Variants in TTN observed in about 807,000 individuals in gnomAD.
TTN encodes the protein connectin.
TTN carries 1,525 observed loss-of-function variants against 3,223.0 expected under a neutral mutation model. That is an observed-to-expected ratio of 0.47 (90% CI 0.45 to 0.49). The LOEUF (loss-of-function observed/expected upper bound fraction) is 0.49. Among genes scored for constraint, TTN ranks in the 20% least tolerant of loss-of-function variants. The probability of loss-of-function intolerance (pLI) is 0.00; values close to 1 mark genes in which losing one functional copy is unlikely to be tolerated. For synonymous variants in TTN, 14,094 were observed against 15,161.0 expected (o/e 0.93, Z 5.17); for missense variants, 40,786 against 43,424.0 (o/e 0.94, Z 5.40).
At position 178,738,311 on chromosome 2, in the gene TTN, G is replaced by A. The variant is rs1574051689; in HGVS notation, c.14142C>T (p.Gly4714=). 3 of 1,613,422 alleles carry A rather than the reference G, an allele frequency of 1.9e-6. No homozygotes were observed. Among genetic ancestry groups the A allele is most frequent in the Non-Finnish European group, 2.5e-6 (3 of 1,179,652 alleles). ...TCTCACAGGTGAATTTGGCTAGGTG[G>A]CCCAGTGCTACTTCCAGGGGTTCGA... is the stretch of plus-strand genomic sequence containing the variant. ...RKIEPLEVAL[G]HLAKFTCEIQ... is the part of the protein sequence containing the mutation. Residue 4714 remains glycine, a synonymous_variant, in exon 49 of 363, where the codon GGC becomes GGT. Coordinates refer to ENST00000589042, the MANE Select transcript of TTN (RefSeq NM_001267550.2).
At chr2:178,652,024 CA>C (rs1324757355) in intron 204 of TTN, 57 bp from the exon 205 acceptor site, 3 of 1,608,862 alleles carry the variant, frequency 1.9e-6, no homozygotes, top group South Asian at 2.2e-5. Context: ...AGATAGTTTG[CA>C]AAAAAATGTT....
chr2:178,729,057 C>T lies in TTN; in HGVS notation c.18981G>A (p.Lys6327=). ...CATCTTCATCAAGAATCTGATCATCCTTTAGCCAGGTTATAGAAATAGGAG... is the reference window on the plus strand; with the variant it reads ...CATCTTCATCAAGAATCTGATCATCTTTTAGCCAGGTTATAGAAATAGGAG... ...GSPPISITWL[K]DDQILDEDDN... The change falls in exon 65 of 363, where the codon AAG becomes AAA. Residue 6327 remains lysine (K), a synonymous_variant. Coordinates refer to ENST00000589042, the MANE Select transcript of TTN (RefSeq NM_001267550.2). 6 of 1,612,682 alleles carry T rather than the reference C, an allele frequency of 3.7e-6. No individual in the cohort carries two copies. Among genetic ancestry groups the T allele is most frequent in the Non-Finnish European group, 5.1e-6 (6 of 1,179,344 alleles).
intron 292 of TTN, 72 bp from the exon 293 acceptor site, chr2:178,598,130 A>C (rs2052258462): frequency 6.7e-7 from 1 of 1,491,714 alleles, no homozygotes; most frequent in East Asian, 2.3e-5. Flanking sequence ...GGCTTCCTAA[A>C]GCATCACCAG....
chr2:178,750,181 C>T (rs747870469), intron 47 of TTN: 1 of 1,613,196 alleles, frequency 6.2e-7, no homozygotes, highest in East Asian at 2.2e-5. Flanking sequence ...CCTCTTGACT[C>T]ATAGATGGAT....
At chr2:178,665,349 C>A (rs2065737301) in intron 165 of TTN, 28 bp downstream of exon 165, 1 of 1,591,544 alleles carries the variant, frequency 6.3e-7, no homozygotes, top group Non-Finnish European at 8.6e-7. Flanking sequence ...ATAATTTCTT[C>A]TTCCACATTT....
At position 178,612,811 on chromosome 2, in the gene TTN, C is replaced by T. The variant is rs181141442; in HGVS notation, c.49910G>A (p.Ser16637Asn). The T allele has an allele frequency of 1.2e-6, 2 of 1,612,254 alleles. No homozygotes were observed. The highest frequency in any genetic ancestry group is 1.7e-5 in the Admixed American group (1 of 59,870). The change falls in exon 265 of 363, where the codon AGT becomes AAT. Residue 16637 changes from serine to asparagine, a missense_variant. Ser to Asn is a conservative substitution (Grantham distance 46). Transcript: ENST00000589042. ...GCAAAGCACAGGGTCACTGGGTTCACTGGGTTCACTTTCCCCAGCCTTATT... is the reference window on the plus strand; with the variant it reads ...GCAAAGCACAGGGTCACTGGGTTCATTGGGTTCACTTTCCCCAGCCTTATT... ...AVNKAGESEP[S>N]EPSDPVLCRE...
intron 2 of TTN, 149 bp from the exon 3 acceptor site, chr2:178,802,490 A>G: frequency 1.1e-6 from 1 of 903,982 alleles, no homozygotes; most frequent in Non-Finnish European, 1.7e-6. Flanking sequence ...CTACAGTTGC[A>G]TGATCAGTGT....
chr2:178,633,747 A>C, intron 231 of TTN, 70 bp downstream of exon 231: 1 of 1,604,742 alleles, frequency 6.2e-7, no homozygotes, highest in Non-Finnish European at 8.5e-7. Flanking sequence ...AAAAGGTTGC[A>C]AAATATTTTA....
rs544302228 is a variant in TTN, at chr2:178,730,145, T to C, written c.18255A>G (p.Gln6085=). 1.2e-6 allele frequency: 2 copies of C among 1,613,308 alleles called. No homozygotes were observed. Among genetic ancestry groups the C allele is most frequent in the African/African-American group, 2.7e-5 (2 of 74,996 alleles). ...KATDSGTYIC[Q]LSNDVGTATS... ...TTGCTGTGCCAACATCATTGCTTAG[T>C]TGGCAAATGTAGGTTCCAGAATCGG... Residue 6085 remains glutamine (Q), a synonymous_variant, in exon 62 of 363, where the codon CAA becomes CAG. Coordinates refer to ENST00000589042, the MANE Select transcript of TTN (RefSeq NM_001267550.2).
rs1686458565 is a variant in TTN, at chr2:178,526,437, A to C, written c.*575T>G. ...CTTTGCTCTGGTAATATTTGTCATG[A>C]TAATTTTGTGTGACATCATCAGAGA... On this transcript the variant is annotated 3_prime_UTR_variant, in exon 363 of 363. Transcript: ENST00000589042. The C allele has an allele frequency of 6.6e-6, 1 of 152,662 alleles. No individual in the cohort carries two copies. The highest frequency in any genetic ancestry group is 2.4e-5 in the African/African-American group (1 of 41,466). The allele number at this position is 152,662 out of a possible 1,614,324, so 9.5% of individuals were successfully genotyped here. A position where few individuals can be genotyped will look rare whatever the true frequency, so the allele number is the denominator to read the frequency against.
At chr2:178,749,468 C>A in intron 47 of TTN, 1 of 1,612,926 alleles carries the variant, frequency 6.2e-7, no homozygotes, top group Non-Finnish European at 8.5e-7. Flanking sequence ...AGTCTCAAGG[C>A]TTTGAAAATA....
At position 178,667,703 on chromosome 2, in the gene TTN, T is replaced by G. The variant is rs1238002876; in HGVS notation, c.35564A>C (p.Glu11855Ala). ...AAGTACTTTTTCTTCTAGGACTGCT[T>G]CTTCAGATGCTTCATAAACTTTAAA... is the stretch of plus-strand genomic sequence containing the variant. Reference protein sequence around the residue: ...TEMYIYEASEEAVLEEKVLVT... With the variant: ...TEMYIYEASEAAVLEEKVLVT... Residue 11855 changes from glutamate (E) to alanine (A), a missense_variant, in exon 160 of 363, where the codon GAA becomes GCA. Coordinates refer to ENST00000589042, the MANE Select transcript of TTN (RefSeq NM_001267550.2). 21 of 1,593,754 alleles carry G rather than the reference T, an allele frequency of 1.3e-5. No homozygotes were observed. The highest frequency in any genetic ancestry group is 1.8e-5 in the Non-Finnish European group (21 of 1,176,960).
rs758579992 is a variant in TTN, at chr2:178,574,213, C to A, written c.71919G>T (p.Lys23973Asn). 1 of 1,613,392 alleles carries A rather than the reference C, an allele frequency of 6.2e-7. No individual in the cohort carries two copies. The highest frequency in any genetic ancestry group is 1.1e-5 in the South Asian group (1 of 91,074). Residue 23973 changes from lysine (K) to asparagine (N), a missense_variant, in exon 326 of 363, where the codon AAG (lysine) becomes AAT (asparagine). Lys to Asn is a moderately conservative substitution (Grantham distance 94). Transcript: ENST00000589042. The part of the protein sequence containing the change: ...KRDLPNGRWL[K>N]ANFSNILENE... ...TCTCCAAAATGTTGCTGAAGTTGGC[C>A]TTCAGCCACCGTCCATTAGGAAGGT...
At position 178,720,512 on chromosome 2, in the gene TTN, G is replaced by A. The variant is rs1060503967; in HGVS notation, c.23250C>T (p.Ile7750=). The A allele has an allele frequency of 1.2e-6, 2 of 1,613,474 alleles. No homozygotes were observed. Among genetic ancestry groups the A allele is most frequent in the African/African-American group, 2.7e-5 (2 of 74,898 alleles). Residue 7750 remains isoleucine (I), a synonymous_variant, in exon 80 of 363, where the codon ATC becomes ATT. Coordinates refer to ENST00000589042, the MANE Select transcript of TTN (RefSeq NM_001267550.2). The part of the protein sequence containing the change: ...KQVRNSKKFK[I]TSKHFDTSLH... ...GACTTGTATCAAAATGTTTTGAAGTGATTTTAAATTTCTTGCTGTTTCTAA... is the reference window on the plus strand; with the variant it reads ...GACTTGTATCAAAATGTTTTGAAGTAATTTTAAATTTCTTGCTGTTTCTAA...
chr2:178,718,952 G>C lies in TTN; in HGVS notation c.24248C>G (p.Thr8083Ser). 6.2e-7 allele frequency: 1 copy of C among 1,608,292 alleles called. No individual in the cohort carries two copies. The change falls in exon 84 of 363, where the codon ACC becomes AGC. Residue 8083 changes from threonine to serine, a missense_variant. Physicochemically the swap from Thr to Ser is moderately conservative, Grantham distance 58 (BLOSUM62 1). Coordinates refer to ENST00000589042, the MANE Select transcript of TTN (RefSeq NM_001267550.2). ...TVQEPPSFEQ[T>S]PDSVEVLPGM... ...AGGCAAAACTTCCACAGAATCAGGG[G>C]TTTGTTCAAAAGATGGTGGTTCTAG...
chr2:178,568,199 T>C lies in TTN; in HGVS notation c.77933A>G (p.Glu25978Gly). The change falls in exon 326 of 363, where the codon GAG (glutamate) becomes GGG (glycine). Residue 25978 changes from glutamate to glycine, a missense_variant. Physicochemically the swap from Glu to Gly is moderately conservative, Grantham distance 98. Transcript: ENST00000589042. ...ATATTGAGCTACAATTGGATCAGAC[T>C]CTAAGGCAAAGCTTTGTCCATATCT... Reference protein sequence around the residue: ...ENRYGQSFALESDPIVAQYPY... With the variant: ...ENRYGQSFALGSDPIVAQYPY... 1 of 1,613,542 alleles carries C rather than the reference T, an allele frequency of 6.2e-7. No individual in the cohort carries two copies. Among genetic ancestry groups the C allele is most frequent in the Non-Finnish European group, 8.5e-7 (1 of 1,179,600 alleles).
chr2:178,562,162 A>G lies in TTN; in HGVS notation c.83970T>C (p.Pro27990=). The change falls in exon 326 of 363, where the codon CCT becomes CCC. Residue 27990 remains proline, a synonymous_variant. Coordinates refer to ENST00000589042, the MANE Select transcript of TTN (RefSeq NM_001267550.2). Reference sequence around the variant, plus strand: ...CTTTTCTCCAGTTCACAGTAGCTTGAGGTCTTCCTTTGAATGGCACATCAA... The same window carrying G: ...CTTTTCTCCAGTTCACAGTAGCTTGGGGTCTTCCTTTGAATGGCACATCAA... The part of the protein sequence containing the change: ...LKIDVPFKGR[P]QATVNWRKDG... The G allele has an allele frequency of 6.2e-7, 1 of 1,613,198 alleles. No homozygotes were observed.
Position 178,664,094 on chromosome 2 carries a change from G to C in TTN, c.36285C>G (p.His12095Gln), listed in dbSNP as rs201184203. Residue 12095 changes from histidine (H) to glutamine (Q), a missense_variant, in exon 169 of 363, where the codon CAC becomes CAG. Transcript: ENST00000589042. ...QRAEVVPVKVHEAPKEIIPEK... is the reference protein window; with the variant it reads ...QRAEVVPVKVQEAPKEIIPEK... ...CAGGGATAATCTCTTTGGGAGCTTC[G>C]TGCACTTGAAAGATATTAGTATTTT... 2.5e-6 allele frequency: 4 copies of C among 1,608,664 alleles called. No individual in the cohort carries two copies. The highest frequency in any genetic ancestry group is 3.4e-6 in the Non-Finnish European group (4 of 1,178,522).
At position 178,568,439 on chromosome 2, in the gene TTN, ACAGGTCCTTTTGGAGGAT is replaced by A. The variant is rs1224884345; in HGVS notation, c.77675_77692del (p.Asp25892_Pro25897del). 1 of 1,613,234 alleles carries A rather than the reference ACAGGTCCTTTTGGAGGAT, an allele frequency of 6.2e-7. No individual in the cohort carries two copies. Among genetic ancestry groups the A allele is most frequent in the African/African-American group, 1.3e-5 (1 of 74,998 alleles). On this transcript the variant is annotated inframe_deletion, in exon 326 of 363. Coordinates refer to ENST00000589042, the MANE Select transcript of TTN (RefSeq NM_001267550.2). The stretch of plus-strand genomic sequence containing the variant: ...TTCAGCACTGACGTCATCAAATTTA[ACAGGTCCTTTTGGAGGAT>A]CAGGTTTATCTAGAGTTACAATTTC...
Sources: allele counts gnomAD v4.1 joint callset, GRCh38; gene constraint gnomAD v4.1.1; transcripts MANE v1.5; gene names NCBI Gene and HGNC (gene_info 2026-07-23, HGNC 2026-07-21).